Variants in CDK13 observed in about 807,000 individuals in gnomAD.
The protein encoded by CDK13 is cyclin-dependent kinase 13.
Under a neutral mutation model 137.6 loss-of-function variants are expected in CDK13, and 40 were observed. That is an observed-to-expected ratio of 0.29 (90% CI 0.23 to 0.38). CDK13 has a LOEUF of 0.38. Among genes scored for constraint, CDK13 ranks in the 10% least tolerant of loss-of-function variants. CDK13 has a pLI of 1.00. For synonymous variants in CDK13, 869 were observed against 760.1 expected (o/e 1.14, Z -2.36); for missense variants, 1,704 against 1,951.8 (o/e 0.87, Z 2.39).
At chr7:40,081,983 G>A (rs1255939340) in intron 11 of CDK13, among the ~76,000 whole-genome samples, 1 of 152,144 alleles carries the variant, frequency 6.6e-6, no homozygotes, top group Non-Finnish European at 1.5e-5. Flanking sequence ...GAAAGAGAGG[G>A]CTGAGATTTT....
At position 39,951,714 on chromosome 7, in the gene CDK13, C is replaced by G. The variant is rs1162719807; in HGVS notation, c.1073C>G (p.Ser358Cys). ...SSPYSRRLPRSPSPYSRRRSP... is the reference protein window; with the variant it reads ...SSPYSRRLPRCPSPYSRRRSP... ...CCCTATTCTCGGCGGCTGCCGCGCTCCCCGAGCCCCTACAGTCGCCGCCGC... is the reference window on the plus strand; with the variant it reads ...CCCTATTCTCGGCGGCTGCCGCGCTGCCCGAGCCCCTACAGTCGCCGCCGC... The change falls in exon 1 of 14, where the codon TCC becomes TGC. Residue 358 changes from serine (S) to cysteine (C), a missense_variant. Physicochemically the swap from Ser to Cys is moderately radical, Grantham distance 112. Around this residue, in one of 5 missense-constraint regions of CDK13, gnomAD observed 1,051 missense variants for 931.0 expected, o/e 1.13. Transcript: ENST00000181839. 1 of 1,476,420 alleles carries G rather than the reference C, an allele frequency of 6.8e-7. No individual in the cohort carries two copies. Among genetic ancestry groups the G allele is most frequent in the East Asian group, 2.6e-5 (1 of 38,440 alleles). The allele number at this position is 1,476,420 out of a possible 1,614,324, so 91.5% of individuals were successfully genotyped here. A position where few individuals can be genotyped will look rare whatever the true frequency, so the allele number is the denominator to read the frequency against.
At chr7:40,020,634 A>G (rs917137896) in intron 5 of CDK13, among the ~76,000 whole-genome samples, 1 of 152,240 alleles carries the variant, frequency 6.6e-6, no homozygotes, top group African/African-American at 2.4e-5. Flanking sequence ...CAGACACTAC[A>G]TTAAATGATG....
At chr7:39,999,297 G>A (rs1351991616) in intron 3 of CDK13, 64 bp from the exon 4 acceptor site, 1 of 1,373,878 alleles carries the variant, frequency 7.3e-7, no homozygotes, top group African/African-American at 1.5e-5. Flanking sequence ...TAGATATTGA[G>A]TTATTAGACA....
intron 1 of CDK13, chr7:39,952,697 TAGATATATACCCGAA>T (rs1461201974): frequency 5.3e-5 from 8 of 152,320 alleles, no homozygotes; most frequent in Admixed American, 5.2e-4. Flanking sequence ...GACTTTTTCT[TAGATATATACCCGAA>T]GGATAAAAAC....
chr7:40,033,145 G>A (rs1033925226), intron 5 of CDK13, among the ~76,000 whole-genome samples: 5 of 152,044 alleles, frequency 3.3e-5, no homozygotes, highest in Non-Finnish European at 5.9e-5. Context: ...TAGTAGAGAT[G>A]GGGTCTCACC....
rs1274777238 is a variant in CDK13, at chr7:40,045,769, A to G, written c.2354-67A>G. 5.5e-6 allele frequency: 6 copies of G among 1,092,644 alleles called. No homozygotes were observed. The African/African-American group carries it at 8.0e-5, about 15-fold the overall frequency. 67.7% of individuals were successfully genotyped at this position (1,092,644 alleles called of 1,614,324 possible). A position where few individuals can be genotyped will look rare whatever the true frequency, so the allele number is the denominator to read the frequency against. Reference sequence around the variant, plus strand: ...TTCCTCTACCAGCCTTTTATTGTTAAAAATTGTGAATTTATGGAAAGGTTG... The same window carrying G: ...TTCCTCTACCAGCCTTTTATTGTTAGAAATTGTGAATTTATGGAAAGGTTG... On this transcript the variant is annotated intron_variant, in intron 5 of 13. Transcript: ENST00000181839.
chr7:39,953,422 T>G (rs1467166747), intron 1 of CDK13, among the ~76,000 whole-genome samples: 1 of 152,238 alleles, frequency 6.6e-6, no homozygotes, highest in East Asian at 1.9e-4. Flanking sequence ...CAATTTAAAG[T>G]GCTTGATGCA....
chr7:40,010,892 G>A (rs1784880159), intron 5 of CDK13, among the ~76,000 whole-genome samples: 1 of 151,902 alleles, frequency 6.6e-6, no homozygotes. Context: ...GTAGAATTAA[G>A]AAAACAATTT....
At chr7:39,963,027 C>A (rs1007849431) in intron 1 of CDK13, among the ~76,000 whole-genome samples, 1 of 152,140 alleles carries the variant, frequency 6.6e-6, no homozygotes, top group African/African-American at 2.4e-5. Context: ...GTTACTGTAG[C>A]CTTGTAGTAT....
At chr7:39,973,247 C>G (rs948657095) in intron 1 of CDK13, among the ~76,000 whole-genome samples, 1 of 152,126 alleles carries the variant, frequency 6.6e-6, no homozygotes, top group South Asian at 2.1e-4. Context: ...AACAATTTCC[C>G]TATCTTAGCC....
intron 1 of CDK13, among the ~76,000 whole-genome samples, chr7:39,974,645 A>C (rs943142325): frequency 6.6e-6 from 1 of 150,448 alleles, no homozygotes; most frequent in African/African-American, 2.4e-5. Flanking sequence ...GCTCACTGCA[A>C]CTCTGCCTCC....
rs999896017 is a variant in CDK13, at chr7:40,099,134, A to G, written c.*4154A>G. ...TTCAAGTGGTTTTTTAAGGGGAGCA[A>G]TAGTTTGCCATTTACCAAAGGCTTC... On this transcript the variant is annotated 3_prime_UTR_variant, in exon 14 of 14. Coordinates refer to ENST00000181839, the MANE Select transcript of CDK13 (RefSeq NM_003718.5). 3.9e-5 allele frequency: 6 copies of G among 152,004 alleles called. No individual in the cohort carries two copies. Among genetic ancestry groups the G allele is most frequent in the African/African-American group, 1.4e-4 (6 of 41,442 alleles). 9.4% of individuals were successfully genotyped at this position (152,004 alleles called of 1,614,324 possible).
chr7:40,035,445 C>T (rs955006472), intron 5 of CDK13, among the ~76,000 whole-genome samples: 1 of 151,838 alleles, frequency 6.6e-6, no homozygotes, highest in African/African-American at 2.4e-5. Context: ...CTCCCCATAG[C>T]TCCCATAACT....
intron 5 of CDK13, among the ~76,000 whole-genome samples, chr7:40,022,488 C>T (rs535240085): frequency 6.6e-6 from 1 of 151,810 alleles, no homozygotes; most frequent in Non-Finnish European, 1.5e-5. Flanking sequence ...AAATAAGATC[C>T]CTGAATACTT....
At chr7:40,009,311 T>C (rs975930120) in intron 5 of CDK13, among the ~76,000 whole-genome samples, 2 of 152,272 alleles carry the variant, frequency 1.3e-5, no homozygotes, top group Non-Finnish European at 2.9e-5. Context: ...TTTGCATATT[T>C]AAGTTCCTTT....
At chr7:39,987,012 G>C (rs1288615793) in intron 1 of CDK13, 2 of 152,140 alleles carry the variant, frequency 1.3e-5, no homozygotes, top group Non-Finnish European at 2.9e-5. Flanking sequence ...GGCTGGTCTC[G>C]AACTCCTGAC....
chr7:39,953,651 A>G (rs1205879882), intron 1 of CDK13, among the ~76,000 whole-genome samples: 5 of 152,230 alleles, frequency 3.3e-5, no homozygotes, highest in Non-Finnish European at 4.4e-5. Context: ...CAGGAAAGAA[A>G]AAGTTACTTG....
Position 40,094,623 on chromosome 7 carries a change from T to C in CDK13, c.4182T>C (p.Ser1394=), listed in dbSNP as rs1345281273. 1.2e-6 allele frequency: 2 copies of C among 1,614,130 alleles called. No individual in the cohort carries two copies. Among genetic ancestry groups the C allele is most frequent in the Non-Finnish European group, 1.7e-6 (2 of 1,179,996 alleles). Residue 1394 remains serine, a synonymous_variant, in exon 14 of 14, where the codon TCT becomes TCC. Coordinates refer to ENST00000181839, the MANE Select transcript of CDK13 (RefSeq NM_003718.5). ...SSHSGGPPQP[S]AFSESFPSSV... is the part of the protein sequence containing the mutation. ...ATTCTGGTGGTCCACCTCAGCCTTC[T>C]GCCTTTTCTGAGTCATTTCCCAGTT...
chr7:39,996,794 C>G lies in CDK13; in HGVS notation c.1872-700C>G, dbSNP rs944841674. Reference sequence around the variant, plus strand: ...CCTGGCCAACATGGTGAAACCCCGTCTCTATTAAAAATACAAAAATTAGCT... The same window carrying G: ...CCTGGCCAACATGGTGAAACCCCGTGTCTATTAAAAATACAAAAATTAGCT... On this transcript the variant is annotated intron_variant, in intron 2 of 13. Transcript: ENST00000181839. Among the ~76,000 whole-genome samples, 6 of 151,836 alleles carry G rather than the reference C, an allele frequency of 4.0e-5. No individual in the cohort carries two copies. In the East Asian group the frequency reaches 1.2e-3, roughly 29 times the overall value.
Sources: gnomAD v4.1 joint callset for allele counts (sites outside exome capture counted in the v4.1 genomes callset) on GRCh38, gnomAD v4.1.1 for gene constraint, gnomAD v4.1.1 regional missense constraint, MANE v1.5 for transcripts, NCBI Gene and HGNC (gene_info 2026-07-23, HGNC 2026-07-21) for gene names.